Variants in TAF7L observed in about 807,000 individuals in gnomAD.
The protein encoded by TAF7L is TATA-box binding protein associated factor 7 like, also known as transcription initiation factor TFIID subunit 7-like.
TAF7L carries 6 observed loss-of-function variants against 30.2 expected under a neutral mutation model. The ratio of observed to expected loss-of-function variants is 0.20; its 90% CI spans 0.11 to 0.39. The LOEUF is 0.39. Among genes scored for constraint, TAF7L ranks in the 10% least tolerant of loss-of-function variants. The pLI, the probability that TAF7L is intolerant of heterozygous loss-of-function variation, is 1.00. For synonymous variants in TAF7L, 93 were observed against 94.5 expected, an observed-to-expected ratio of 0.98 and a Z score of 0.09; for missense variants, 284 against 277.1, an observed-to-expected ratio of 1.03 and a Z score of -0.18.
upstream of TAF7L, among the ~76,000 whole-genome samples, chrX:101,292,212 C>T (rs1265025841): frequency 2.2e-5 from 2 of 92,886 alleles, no homozygotes; most frequent in African/African-American, 8.3e-5. Flanking sequence ...GCACTCCAGC[C>T]TGGGCGACAG....
At chrX:101,292,749 A>T (rs759650058), upstream of TAF7L, 42 of 1,182,392 alleles carry the variant, frequency 3.6e-5, no homozygotes, top group Non-Finnish European at 4.6e-5. Flanking sequence ...TCTCCGAAAG[A>T]AGGTCCTCGG....
chrX:101,277,451 C>CAAAAAAAAAAAAAAAAAAA (rs368056727), intron 9 of TAF7L, among the ~76,000 whole-genome samples, 155 bp downstream of exon 9: 26 of 40,413 alleles, frequency 6.4e-4, no homozygotes, highest in African/African-American at 2.6e-3. Context: ...GACTCCATCT[C>CAAAAAAAAAAAAAAAAAAA]AAAAAAAAAA....
At chrX:101,289,299 G>GTGA (rs1924718003) in intron 1 of TAF7L, among the ~76,000 whole-genome samples, 1 of 111,742 alleles carries the variant, frequency 8.9e-6, no homozygotes, top group Non-Finnish European at 1.9e-5. Context: ...TCACTTGTTG[G>GTGA]ATACCTAGAT....
chrX:101,280,128 C>T (rs966566729), intron 6 of TAF7L, among the ~76,000 whole-genome samples: 6 of 109,178 alleles, frequency 5.5e-5, no homozygotes, highest in African/African-American at 1.7e-4. Context: ...AAAGCAAGAT[C>T]GTTTTCAAAA....
At chrX:101,281,882 C>A in intron 5 of TAF7L, 107 bp from the exon 6 acceptor site, 2 of 625,636 alleles carry the variant, frequency 3.2e-6, no homozygotes, top group Non-Finnish European at 4.6e-6. Context: ...CATGACATCA[C>A]TCCTTTTTTT....
chrX:101,277,130 C>T (rs1207690604), intron 9 of TAF7L, among the ~76,000 whole-genome samples: 11 of 77,182 alleles, frequency 1.4e-4, no homozygotes, highest in African/African-American at 2.2e-4. Context: ...CCAGTTTGGG[C>T]GACAGAGCGA....
intron 12 of TAF7L, among the ~76,000 whole-genome samples, chrX:101,271,869 G>A (rs1923975140): frequency 8.9e-6 from 1 of 111,779 alleles, no homozygotes; most frequent in Admixed American, 9.5e-5. Flanking sequence ...AAACAAAGAT[G>A]TTTGGTGGGT....
intron 12 of TAF7L, among the ~76,000 whole-genome samples, chrX:101,272,720 T>C (rs911975337): frequency 9.0e-5 from 10 of 111,309 alleles, no homozygotes; most frequent in South Asian, 3.8e-4. Flanking sequence ...GCAGTGGTGG[T>C]TGTACAACTC....
chrX:101,283,053 T>C (rs1322708464), intron 4 of TAF7L, among the ~76,000 whole-genome samples: 3 of 112,064 alleles, frequency 2.7e-5, no homozygotes, highest in Non-Finnish European at 3.8e-5. Context: ...TGAGCCATTG[T>C]GTCTGGCCTA....
chrX:101,285,957 C>T lies in TAF7L; in HGVS notation c.145+618G>A, dbSNP rs4986641. On this transcript the variant is annotated intron_variant, in intron 3 of 12. Transcript: ENST00000356784. ...CAGCACTTTGGGAGGCCAAGGCAGG[C>T]GGATCACAAGGTCAGGAGTTTGAGA... Among the ~76,000 whole-genome samples the T allele has an allele frequency of 4.3e-3, 477 of 110,863 alleles. 22 individuals are homozygous for T. The highest frequency in any genetic ancestry group is 0.039 in the Admixed American group (405 of 10,386).
rs1431276706 is a variant in TAF7L, at chrX:101,286,669, A to G, written c.67-16T>C. 1 of 1,166,549 alleles carries G rather than the reference A, an allele frequency of 8.6e-7. No individual in the cohort carries two copies. Among genetic ancestry groups the G allele is most frequent in the East Asian group, 3.0e-5 (1 of 33,630 alleles). Reference sequence around the variant, plus strand: ...AAGCATGTTCCTAAAAAGGAGGTAAATTGAAAAATCAGAAGAACTAAACAT... The same window carrying G: ...AAGCATGTTCCTAAAAAGGAGGTAAGTTGAAAAATCAGAAGAACTAAACAT... On this transcript the variant is annotated splice_polypyrimidine_tract_variant and intron_variant, in intron 2 of 12. Transcript: ENST00000356784.
chrX:101,279,988 A>C (rs966184128), intron 6 of TAF7L, among the ~76,000 whole-genome samples: 1 of 110,336 alleles, frequency 9.1e-6, no homozygotes, highest in Admixed American at 9.8e-5. Context: ...ACCTTGAACT[A>C]AACCTCATAG....
rs113219970 is a variant in TAF7L, at chrX:101,291,205, G to A, written c.-3+19C>T. 1.6e-4 allele frequency: 119 copies of A among 733,284 alleles called. No individual in the cohort carries two copies. In the Middle Eastern group the frequency reaches 4.7e-3, roughly 29 times the overall value. 60.4% of individuals were successfully genotyped at this position (733,284 alleles called of 1,213,427 possible). On this transcript the variant is annotated intron_variant, in intron 1 of 12. Transcript: ENST00000356784. ...GGCGCTGACCCGGTCCCGGCCGCCC[G>A]GTCGGCCGCCCGACTCACCCGCTCC...
At chrX:101,277,777 A>G in intron 8 of TAF7L, 58 bp from the exon 9 acceptor site, 1 of 850,224 alleles carries the variant, frequency 1.2e-6, no homozygotes, top group Non-Finnish European at 1.7e-6. Flanking sequence ...CACAGCTGAA[A>G]GGGAAGGGGC....
intron 6 of TAF7L, among the ~76,000 whole-genome samples, chrX:101,281,005 A>T (rs2147376859): frequency 8.9e-6 from 1 of 112,105 alleles, no homozygotes; most frequent in Admixed American, 9.5e-5. Context: ...ATATAAAAGC[A>T]AAATGAGGGA....
chrX:101,278,432 T>C (rs191160030), intron 7 of TAF7L, among the ~76,000 whole-genome samples: 2 of 112,481 alleles, frequency 1.8e-5, no homozygotes. Context: ...TTATAAATTA[T>C]TTCTCCTGAT....
At chrX:101,286,192 A>AAAAG (rs1005206920) in intron 3 of TAF7L, among the ~76,000 whole-genome samples, 1,403 of 106,263 alleles carry the variant, frequency 0.013, 18 homozygotes, top group African/African-American at 0.035. Flanking sequence ...AAAAAAAAAA[A>AAAAG]AAAGAAAGAA....
chrX:101,281,882 C>T (rs1182130005), intron 5 of TAF7L, 107 bp from the exon 6 acceptor site: 1 of 625,660 alleles, frequency 1.6e-6, no homozygotes, highest in Non-Finnish European at 2.3e-6. Context: ...CATGACATCA[C>T]TCCTTTTTTT....
intron 9 of TAF7L, 136 bp downstream of exon 9, chrX:101,277,470 A>AAAAAAAAAAAAAAAG: frequency 2.8e-6 from 1 of 352,095 alleles, no homozygotes; most frequent in African/African-American, 2.8e-5. Flanking sequence ...AAAAAAAAAA[A>AAAAAAAAAAAAAAAG]GAGGGAAGGA....
Sources: allele counts gnomAD v4.1 joint callset (sites outside exome capture counted in the v4.1 genomes callset), GRCh38; gene constraint gnomAD v4.1.1; transcripts MANE v1.5; gene names NCBI Gene and HGNC (gene_info 2026-07-23, HGNC 2026-07-21).